The following PLAA variants were observed in gnomAD, a reference collection of about 807,000 sequenced individuals.
PLAA encodes phospholipase A2 activating protein, also known as phospholipase A-2-activating protein.
Under a neutral mutation model 84.1 loss-of-function variants are expected in PLAA, and 48 were observed. The observed-to-expected ratio is 0.57, with a 90% CI of 0.45 to 0.73. The LOEUF (loss-of-function observed/expected upper bound fraction) is 0.73, where lower values mean the gene tolerates loss of function less well. Ranked by LOEUF, PLAA falls within the 30% of genes least tolerant of loss-of-function variation. The pLI, the probability that PLAA is intolerant of heterozygous loss-of-function variation, is 0.00. For missense variants in PLAA, 903 were observed against 954.7 expected (o/e 0.95, Z 0.71); for synonymous variants, 392 against 336.6 (o/e 1.16, Z -1.80).
chr9:26,911,245 T>G (rs538901116), intron 11 of PLAA, among the ~76,000 whole-genome samples: 1 of 152,196 alleles, frequency 6.6e-6, no homozygotes, highest in South Asian at 2.1e-4. Flanking sequence ...CTCCACCTCC[T>G]GAGTTCAAGC....
At chr9:26,928,478 G>C in intron 2 of PLAA, 70 bp from the exon 3 acceptor site, 2 of 1,070,722 alleles carry the variant, frequency 1.9e-6, no homozygotes, top group East Asian at 4.8e-5. Context: ...AGTTACTAAA[G>C]CATTCCAATT....
intron 1 of PLAA, among the ~76,000 whole-genome samples, chr9:26,941,100 T>C (rs1303277625): frequency 6.7e-6 from 1 of 148,748 alleles, no homozygotes; most frequent in East Asian, 2.0e-4. Context: ...ATGTTTTAAA[T>C]GGTTAGCATT....
In PLAA at chr9:26,909,621, T is replaced by TC. The variant is rs1256159527; in HGVS notation, c.1657+716_1657+717insG. ...GTCACTAAAGCAGATTAATTTCTTT[T>TC]TTTTTTTTTTTCTCCTTGAGATGGA... On this transcript the variant is annotated intron_variant, in intron 12 of 13. Coordinates refer to ENST00000397292, the MANE Select transcript of PLAA (RefSeq NM_001031689.3). 3.3e-5 allele frequency among the ~76,000 whole-genome samples: 5 copies of TC among 151,858 alleles called. No individual in the cohort carries two copies. In the East Asian group the frequency reaches 9.6e-4, roughly 29 times the overall value.
At position 26,919,380 on chromosome 9, in the gene PLAA, T is replaced by C. The variant is rs927641806; in HGVS notation, c.1347A>G (p.Lys449=). 3.1e-6 allele frequency: 5 copies of C among 1,612,936 alleles called. No individual in the cohort carries two copies. The African/African-American group carries it at 5.3e-5, about 17-fold the overall frequency. The change falls in exon 9 of 14, where the codon AAA becomes AAG. Residue 449 remains lysine (K), a synonymous_variant. Transcript: ENST00000397292. The part of the protein sequence containing the change: ...LNPMFLDQVA[K]FIIDNTKGQM... ...GACCTTTTGTGTTATCAATAATAAA[T>C]TTAGCTACTTGATCCAGAAACATAG...
intron 12 of PLAA, among the ~76,000 whole-genome samples, chr9:26,908,469 T>C (rs547905387): frequency 1.4e-4 from 20 of 146,224 alleles, no homozygotes; most frequent in Admixed American, 1.1e-3. Context: ...CCTGGCCTTA[T>C]TATTATTATT....
chr9:26,921,076 T>C (rs1241053999), intron 7 of PLAA, among the ~76,000 whole-genome samples: 1 of 152,054 alleles, frequency 6.6e-6, no homozygotes, highest in South Asian at 2.1e-4. Context: ...CAAATATAAA[T>C]TGTCCACACT....
intron 1 of PLAA, among the ~76,000 whole-genome samples, chr9:26,942,422 A>G (rs1024860405): frequency 1.3e-5 from 2 of 152,242 alleles, no homozygotes; most frequent in Non-Finnish European, 2.9e-5. Flanking sequence ...TAAAGGCCTT[A>G]AGAGGTGATT....
intron 2 of PLAA, among the ~76,000 whole-genome samples, chr9:26,932,238 AG>A (rs1193701421): frequency 4.3e-5 from 5 of 117,556 alleles, no homozygotes; most frequent in Admixed American, 8.6e-5. Flanking sequence ...GTTTTGTTTT[AG>A]GTGTGATAAC....
intron 10 of PLAA, among the ~76,000 whole-genome samples, chr9:26,915,136 T>C (rs1166083443): frequency 1.3e-5 from 2 of 151,502 alleles, no homozygotes; most frequent in Middle Eastern, 3.2e-3. Context: ...TGCTTGAGCA[T>C]GGGAGGCAGA....
At chr9:26,906,423 C>CT (rs35324777) in intron 13 of PLAA, among the ~76,000 whole-genome samples, 8,770 of 95,024 alleles carry the variant, frequency 0.092, 782 homozygotes, top group East Asian at 0.47. Flanking sequence ...AGGGAAAGTT[C>CT]TTTTTTTTTT....
At chr9:26,919,284 A>C in intron 9 of PLAA, 26 bp downstream of exon 9, 1 of 1,438,374 alleles carries the variant, frequency 7.0e-7, no homozygotes, top group Non-Finnish European at 9.7e-7. Flanking sequence ...GGAACTACAT[A>C]AGACTCAATA....
At position 26,933,654 on chromosome 9, in the gene PLAA, T is replaced by G. The variant is rs1168827517; in HGVS notation, c.343+1359A>C. On this transcript the variant is annotated intron_variant, in intron 2 of 13. Transcript: ENST00000397292. ...ATACAAAAAAATTAGCCGGGCGTGG[T>G]AGCAGGCGCCTGTAGTCCCAGCTAC... 2.6e-5 allele frequency among the ~76,000 whole-genome samples: 4 copies of G among 150,944 alleles called. No homozygotes were observed. In the East Asian group the frequency reaches 8.0e-4, roughly 30 times the overall value.
chr9:26,904,104 A>AAAGTACATATC lies in PLAA; in HGVS notation c.*1396_*1406dup, dbSNP rs1824159505. On this transcript the variant is annotated 3_prime_UTR_variant, in exon 14 of 14. Transcript: ENST00000397292. ...AGGTAGTTCCAATTTAATACTCAGC[A>AAAGTACATATC]AAGTACATATCCCCTCTATTTACAT... 6.5e-6 allele frequency: 1 copy of AAAGTACATATC among 153,302 alleles called. No homozygotes were observed. Among genetic ancestry groups the AAAGTACATATC allele is most frequent in the East Asian group, 1.9e-4 (1 of 5,192 alleles). 9.5% of individuals were successfully genotyped at this position (153,302 alleles called of 1,614,324 possible). A position where few individuals can be genotyped will look rare whatever the true frequency, so the allele number is the denominator to read the frequency against.
chr9:26,917,510 T>C (rs935968649), intron 9 of PLAA, among the ~76,000 whole-genome samples: 1 of 152,134 alleles, frequency 6.6e-6, no homozygotes, highest in Non-Finnish European at 1.5e-5. Context: ...CCTATACAAA[T>C]TCACAAGAGT....
intron 5 of PLAA, 83 bp downstream of exon 5, chr9:26,926,310 C>G (rs1326606418): frequency 1.2e-6 from 1 of 832,750 alleles, no homozygotes; most frequent in African/African-American, 1.7e-5. Context: ...ATTAAGTAAT[C>G]AGCTCTCCTC....
intron 2 of PLAA, among the ~76,000 whole-genome samples, chr9:26,930,998 G>C (rs1393787176): frequency 6.6e-6 from 1 of 151,866 alleles, no homozygotes; most frequent in Non-Finnish European, 1.5e-5. Flanking sequence ...GGACTTCTTG[G>C]CAAAAGTGCT....
At chr9:26,916,124 A>G in intron 10 of PLAA, 1 of 985,414 alleles carries the variant, frequency 1.0e-6, no homozygotes, top group Non-Finnish European at 1.2e-6. Context: ...GGAAAAAGGA[A>G]GCTCACGGAC....
chr9:26,906,206 G>T, intron 13 of PLAA, 130 bp from the exon 14 acceptor site: 3 of 544,144 alleles, frequency 5.5e-6, no homozygotes, highest in South Asian at 4.3e-5. Flanking sequence ...TCATGTGTCT[G>T]CTTTAAAAAA....
At chr9:26,915,642 T>C (rs2131373289) in intron 10 of PLAA, 8 of 930,296 alleles carry the variant, frequency 8.6e-6, no homozygotes, top group Non-Finnish European at 1.0e-5. Flanking sequence ...GATGCTGTTA[T>C]ATATTTATAC....
Sources: allele counts gnomAD v4.1 joint callset (sites outside exome capture counted in the v4.1 genomes callset), GRCh38; gene constraint gnomAD v4.1.1; transcripts MANE v1.5; gene names NCBI Gene and HGNC (gene_info 2026-07-23, HGNC 2026-07-21).